ITIH1: variants seen among roughly 807,000 people sequenced by gnomAD.
ITIH1 encodes inter-alpha-trypsin inhibitor heavy chain H1.
Under a neutral mutation model 104.6 loss-of-function variants are expected in ITIH1, and 94 were observed. The ratio of observed to expected loss-of-function variants is 0.90; its 90% CI spans 0.76 to 1.07. The LOEUF (loss-of-function observed/expected upper bound fraction) is 1.07. Ranked by LOEUF, ITIH1 falls within the 50% of genes least tolerant of loss-of-function variation. ITIH1 has a pLI of 0.00. For synonymous variants in ITIH1, 455 were observed against 464.4 expected, an observed-to-expected ratio of 0.98 and a Z score of 0.26; for missense variants, 1,193 against 1,181.4, an observed-to-expected ratio of 1.01 and a Z score of -0.14.
chr3:52,786,271 C>A, intron 12 of ITIH1, 24 bp from the exon 13 acceptor site: 1 of 1,560,536 alleles, frequency 6.4e-7, no homozygotes. Context: ...GGTGCACCAC[C>A]CCTCTCTGTA....
chr3:52,787,716 G>A (rs1699238083), intron 16 of ITIH1, 104 bp downstream of exon 16: 4 of 1,335,930 alleles, frequency 3.0e-6, no homozygotes, highest in African/African-American at 1.4e-5. Context: ...TTGTCACTGG[G>A]AATCTTTAGA....
intron 10 of ITIH1, among the ~76,000 whole-genome samples, chr3:52,784,071 G>A (rs1337280171): frequency 6.6e-6 from 1 of 152,184 alleles, no homozygotes; most frequent in Non-Finnish European, 1.5e-5. Flanking sequence ...AATCAGACCT[G>A]CTGGTGATGG....
At chr3:52,778,214 G>A (rs1578726758) in intron 2 of ITIH1, 126 bp from the exon 3 acceptor site, 1 of 1,142,362 alleles carries the variant, frequency 8.8e-7, no homozygotes, top group East Asian at 2.3e-5. Context: ...GGGTCTTCCT[G>A]CGGTCTGTTC....
chr3:52,787,350 C>G lies in ITIH1; in HGVS notation c.1903+148C>G, dbSNP rs142395120. On this transcript the variant is annotated intron_variant, in intron 15 of 21. Coordinates refer to ENST00000273283, the MANE Select transcript of ITIH1 (RefSeq NM_002215.4). ...CTTCCGTCCCCTGAGCCGCCCTTCT[C>G]CACATCACCGCGAACTCCCTGCTGC... 2.7e-4 allele frequency: 340 copies of G among 1,243,172 alleles called. 4 individuals carry two copies. The East Asian group carries it at 7.8e-3, about 29-fold the overall frequency. The allele number at this position is 1,243,172 out of a possible 1,614,324, so 77.0% of individuals were successfully genotyped here.
At position 52,785,181 on chromosome 3, in the gene ITIH1, T is replaced by G. The variant is rs374657373; in HGVS notation, c.1545T>G (p.Ile515Met). 207 of 1,614,018 alleles carry G rather than the reference T, an allele frequency of 1.3e-4. No homozygotes were observed. Among genetic ancestry groups the G allele is most frequent in the Non-Finnish European group, 1.7e-4 (198 of 1,180,010 alleles). Residue 515 changes from isoleucine to methionine, a missense_variant, in exon 12 of 22, where the codon ATT becomes ATG. Coordinates refer to ENST00000273283, the MANE Select transcript of ITIH1 (RefSeq NM_002215.4). Reference protein sequence around the residue: ...EGSEIVVAGRIADNKQSSFKA... With the variant: ...EGSEIVVAGRMADNKQSSFKA... ...CAGAGATTGTGGTGGCCGGGCGCAT[T>G]GCTGACAACAAACAGAGCAGCTTCA...
At position 52,790,749 on chromosome 3, in the gene ITIH1, G is replaced by C. The variant is rs766851988; in HGVS notation, c.2322G>C (p.Gly774=). The part of the protein sequence containing the change: ...WRDQAVLRQD[G]VVVTINKKRN... ...CCCTCTCGGCCACCTGGCTCTGCAG[G>C]GTGGTGGTGACCATCAACAAGAAGA... Residue 774 remains glycine, a splice_region_variant and synonymous_variant, in exon 20 of 22, where the codon GGG becomes GGC. Transcript: ENST00000273283. 6.2e-7 allele frequency: 1 copy of C among 1,611,906 alleles called. No individual in the cohort carries two copies. The highest frequency in any genetic ancestry group is 8.5e-7 in the Non-Finnish European group (1 of 1,179,156).
chr3:52,786,826 A>G lies in ITIH1; in HGVS notation c.1734-119A>G, dbSNP rs1415835540. The G allele has an allele frequency of 2.5e-6, 3 of 1,215,848 alleles. No individual in the cohort carries two copies. The African/African-American group carries it at 4.7e-5, about 19-fold the overall frequency. The allele number at this position is 1,215,848 out of a possible 1,614,324, so 75.3% of individuals were successfully genotyped here. Reference sequence around the variant, plus strand: ...ACTGCATAGGACACCATGGGGGCTTAATACTTATGTGTCGAATGAATGAAT... The same window carrying G: ...ACTGCATAGGACACCATGGGGGCTTGATACTTATGTGTCGAATGAATGAAT... On this transcript the variant is annotated intron_variant, in intron 13 of 21. Transcript: ENST00000273283.
In ITIH1 at chr3:52,785,131, C is replaced by A; in HGVS notation, c.1495C>A (p.His499Asn). Residue 499 changes from histidine to asparagine, a missense_variant, in exon 12 of 22, where the codon CAC (histidine) becomes AAC (asparagine). Coordinates refer to ENST00000273283, the MANE Select transcript of ITIH1 (RefSeq NM_002215.4). ...TGCTGTCTTGGCCCTGACCCAGAAC[C>A]ACCATAAACAGTACTACGAAGGCTC... ...QDAVLALTQN[H>N]HKQYYEGSEI... 6.2e-7 allele frequency: 1 copy of A among 1,614,158 alleles called. No homozygotes were observed. Among genetic ancestry groups the A allele is most frequent in the Non-Finnish European group, 8.5e-7 (1 of 1,180,012 alleles).
In ITIH1 at chr3:52,791,896, C is replaced by T. The variant is rs7549; in HGVS notation, c.2721C>T (p.Val907=). ...ATGGTGCCTACACTGATTATATCGT[C>T]CCCGACATCTTCTGAGCCCTCTGGC... ...LIDGAYTDYI[V]PDIF Residue 907 remains valine (V), a synonymous_variant, in exon 22 of 22, where the codon GTC becomes GTT. Transcript: ENST00000273283. 6.2e-7 allele frequency: 1 copy of T among 1,612,846 alleles called. No homozygotes were observed. Among genetic ancestry groups the T allele is most frequent in the South Asian group, 1.1e-5 (1 of 90,910 alleles).
chr3:52,781,287 C>CT (rs1699050619), intron 6 of ITIH1, among the ~76,000 whole-genome samples: 3 of 71,012 alleles, frequency 4.2e-5, no homozygotes, highest in Admixed American at 1.3e-4. Flanking sequence ...CTTCTTCTTC[C>CT]TCTTCTTCTT....
At position 52,779,100 on chromosome 3, in the gene ITIH1, C is replaced by G; in HGVS notation, c.410+54C>G. On this transcript the variant is annotated intron_variant, in intron 4 of 21. Transcript: ENST00000273283. The surrounding 1 kb of genome is among the most constrained non-coding windows in gnomAD (Gnocchi z 4.4). ...CTAGGGCTGCCCTCCCCAGCCAGGA[C>G]AGGTCTGATGGCTGCAAGGTGGCTT... The G allele has an allele frequency of 1.6e-6, 2 of 1,260,000 alleles. No homozygotes were observed. Among genetic ancestry groups the G allele is most frequent in the Non-Finnish European group, 1.2e-6 (1 of 857,432 alleles). The allele number at this position is 1,260,000 out of a possible 1,614,324, so 78.1% of individuals were successfully genotyped here. A position where few individuals can be genotyped will look rare whatever the true frequency, so the allele number is the denominator to read the frequency against.
intron 11 of ITIH1, among the ~76,000 whole-genome samples, 192 bp from the exon 12 acceptor site, chr3:52,784,852 G>A (rs1243752448): frequency 6.8e-6 from 1 of 148,066 alleles, no homozygotes; most frequent in African/African-American, 2.5e-5. Flanking sequence ...TCCAGCCTGG[G>A]CAACACAGTG....
Position 52,787,179 on chromosome 3 carries a change from C to G in ITIH1, c.1889-9C>G, listed in dbSNP as rs1699225730. On this transcript the variant is annotated splice_polypyrimidine_tract_variant and intron_variant, in intron 14 of 21. Transcript: ENST00000273283. ...GGCTCTAATTATTTTCTCTTTCTCT[C>G]CCTTCCAGATTCTCCGCCTTTGGGT... is the stretch of plus-strand genomic sequence containing the variant. 1 of 1,614,028 alleles carries G rather than the reference C, an allele frequency of 6.2e-7. No homozygotes were observed. The highest frequency in any genetic ancestry group is 1.7e-5 in the Admixed American group (1 of 60,012).
At chr3:52,786,556 C>A in intron 13 of ITIH1, 122 bp downstream of exon 13, 1 of 985,196 alleles carries the variant, frequency 1.0e-6, no homozygotes, top group South Asian at 1.7e-5. Context: ...TCCTCTTCTG[C>A]TTTGCTCACT....
Position 52,788,289 on chromosome 3 carries a change from T to A in ITIH1, c.2063T>A (p.Phe688Tyr), listed in dbSNP as rs370351968. Reference protein sequence around the residue: ...HVPQKEDTLCFNINEEPGVIL... With the variant: ...HVPQKEDTLCYNINEEPGVIL... ...CCCCAGAAAGAGGACACCCTGTGCTTCAACATCAATGAGGAGCCTGGTGTT... is the reference window on the plus strand; with the variant it reads ...CCCCAGAAAGAGGACACCCTGTGCTACAACATCAATGAGGAGCCTGGTGTT... Residue 688 changes from phenylalanine (F) to tyrosine (Y), a missense_variant, in exon 18 of 22, where the codon TTC becomes TAC. Phe to Tyr is a conservative substitution (Grantham distance 22, BLOSUM62 3). Transcript: ENST00000273283. The A allele has an allele frequency of 6.2e-7, 1 of 1,611,828 alleles. No homozygotes were observed. Among genetic ancestry groups the A allele is most frequent in the African/African-American group, 1.3e-5 (1 of 74,892 alleles).
chr3:52,789,058 C>A (rs192136916), intron 18 of ITIH1, among the ~76,000 whole-genome samples: 1 of 152,328 alleles, frequency 6.6e-6, no homozygotes, highest in East Asian at 1.9e-4. Context: ...TTCTCTCACC[C>A]CTGCTCCCTC....
At chr3:52,784,021 G>A (rs1699133878) in intron 10 of ITIH1, among the ~76,000 whole-genome samples, 1 of 152,130 alleles carries the variant, frequency 6.6e-6, no homozygotes, top group Non-Finnish European at 1.5e-5. Context: ...GCAGGGTCTC[G>A]CAGTCCATGG....
chr3:52,781,193 T>TC (rs1302390358), intron 6 of ITIH1, among the ~76,000 whole-genome samples: 7 of 93,420 alleles, frequency 7.5e-5, no homozygotes, highest in African/African-American at 3.2e-4. Flanking sequence ...CACCTCCTCC[T>TC]CTTCTTTTTT....
intron 19 of ITIH1, 149 bp from the exon 20 acceptor site, chr3:52,790,600 C>T (rs750290507): frequency 1.5e-4 from 108 of 742,554 alleles, no homozygotes; most frequent in Non-Finnish European, 2.2e-4. Context: ...TGGGGAGGGG[C>T]GTGGAACAGG....
Sources: allele counts gnomAD v4.1 joint callset (sites outside exome capture counted in the v4.1 genomes callset), GRCh38; gene constraint gnomAD v4.1.1; non-coding constraint Gnocchi (gnomAD v3.1); transcripts MANE v1.5; gene names NCBI Gene and HGNC (gene_info 2026-07-23, HGNC 2026-07-21).